Variants in GPC6 observed in about 807,000 individuals in gnomAD.
GPC6 encodes glypican 6.
In GPC6, 14 loss-of-function variants were observed where a neutral mutation model predicts 55.2. That is an observed-to-expected ratio of 0.25 (90% CI 0.17 to 0.40). The LOEUF (loss-of-function observed/expected upper bound fraction) is 0.40. GPC6 is among the 10% of genes least tolerant of loss of function. The probability of loss-of-function intolerance (pLI) is 1.00; values close to 1 mark genes in which losing one functional copy is unlikely to be tolerated. For synonymous variants in GPC6, 278 were observed against 259.6 expected, an observed-to-expected ratio of 1.07 and a Z score of -0.68; for missense variants, 641 against 708.5, an observed-to-expected ratio of 0.90 and a Z score of 1.08.
At chr13:93,903,232 C>G (rs1876462896) in intron 3 of GPC6, among the ~76,000 whole-genome samples, 1 of 152,144 alleles carries the variant, frequency 6.6e-6, no homozygotes, top group East Asian at 1.9e-4. Context: ...TTACATACAT[C>G]AAAGTAAGAT....
intron 4 of GPC6, among the ~76,000 whole-genome samples, chr13:94,268,686 C>T (rs910835373): frequency 1.3e-5 from 2 of 151,902 alleles, no homozygotes; most frequent in South Asian, 2.1e-4. Flanking sequence ...TCCATCTTTT[C>T]GTCTGAAAAT....
chr13:93,431,023 T>C (rs1877337236), intron 1 of GPC6, among the ~76,000 whole-genome samples: 1 of 151,160 alleles, frequency 6.6e-6, no homozygotes, highest in Non-Finnish European at 1.5e-5. Flanking sequence ...CATTACGTGT[T>C]TGGAGAACAA....
At chr13:93,429,138 T>C (rs980008937) in intron 1 of GPC6, among the ~76,000 whole-genome samples, 12 of 152,252 alleles carry the variant, frequency 7.9e-5, no homozygotes, top group African/African-American at 2.9e-4. Flanking sequence ...TTTGCTAAAA[T>C]GACCTGAATT....
At chr13:93,995,202 T>TATTTTATTTTATTTTATTTTA (rs1881485981) in intron 3 of GPC6, among the ~76,000 whole-genome samples, 1 of 142,906 alleles carries the variant, frequency 7.0e-6, no homozygotes, top group African/African-American at 2.6e-5. Context: ...TATTTTATTT[T>TATTTTATTTTATTTTATTTTA]TTTGAGACTG....
intron 2 of GPC6, among the ~76,000 whole-genome samples, chr13:93,640,824 C>G (rs372860752): frequency 1.8e-5 from 1 of 56,346 alleles, no homozygotes; most frequent in African/African-American, 3.9e-5. Context: ...TCTTTCCTTC[C>G]TTCCTTTGTT....
rs555959677 is a variant in GPC6 at position 93,830,666 on chromosome 13, C to T, written c.711+121C>T. 651 of 842,846 alleles carry T rather than the reference C, an allele frequency of 7.7e-4. 6 individuals carry two copies. The South Asian group carries it at 0.01, about 14-fold the overall frequency. The allele number at this position is 842,846 out of a possible 1,614,324, so 52.2% of individuals were successfully genotyped here. On this transcript the variant is annotated intron_variant, in intron 3 of 8. Coordinates refer to ENST00000377047, the MANE Select transcript of GPC6 (RefSeq NM_005708.5). ...AAGGTAAAAATTCTTAATTGGTGGT[C>T]CTTGCTCTTAATCAGTTAAATATCA...
intron 1 of GPC6, among the ~76,000 whole-genome samples, chr13:93,541,335 G>A (rs1460668351): frequency 1.1e-4 from 16 of 139,928 alleles, no homozygotes; most frequent in Non-Finnish European, 2.2e-4. Flanking sequence ...TTTCATCCAT[G>A]TCCCTACAAA....
chr13:93,836,688 C>A (rs988552810), intron 3 of GPC6, among the ~76,000 whole-genome samples: 3 of 151,868 alleles, frequency 2.0e-5, no homozygotes, highest in Non-Finnish European at 4.4e-5. Flanking sequence ...GATGGTATTT[C>A]GAGTATTATA....
chr13:93,376,518 G>A (rs80049215), intron 1 of GPC6, among the ~76,000 whole-genome samples: 17 of 152,216 alleles, frequency 1.1e-4, no homozygotes, highest in Non-Finnish European at 2.4e-4. Context: ...CTCCTGTGAA[G>A]CCCTCTGTTT....
In GPC6 at chr13:93,635,140, CT is replaced by C. The variant is rs879721283; in HGVS notation, c.319+89731del. On this transcript the variant is annotated intron_variant, in intron 2 of 8. Coordinates refer to ENST00000377047, the MANE Select transcript of GPC6 (RefSeq NM_005708.5). ...TCTAGATGAATTTGGCATAATACAG[CT>C]TTTTTTTTTTTACTTATCTATATCT... Among the ~76,000 whole-genome samples the C allele has an allele frequency of 3.8e-3, 554 of 145,170 alleles. 2 individuals are homozygous for C. Among genetic ancestry groups the C allele is most frequent in the Middle Eastern group, 7.2e-3 (2 of 278 alleles).
chr13:94,386,164 C>T (rs757202322), intron 7 of GPC6, among the ~76,000 whole-genome samples: 2 of 151,682 alleles, frequency 1.3e-5, no homozygotes, highest in Non-Finnish European at 2.9e-5. Context: ...TCGAGACCAT[C>T]CTGGCTAACA....
chr13:93,873,902 GA>G (rs1440546036), intron 3 of GPC6, among the ~76,000 whole-genome samples: 2 of 151,786 alleles, frequency 1.3e-5, no homozygotes, highest in African/African-American at 4.8e-5. Context: ...TCTGCCTTCA[GA>G]ATCTATCCCC....
chr13:93,621,499 C>G (rs374224308), intron 2 of GPC6, among the ~76,000 whole-genome samples: 2 of 152,178 alleles, frequency 1.3e-5, no homozygotes, highest in Admixed American at 1.3e-4. Context: ...GTGAGACTCC[C>G]TGGCCATACC....
intron 1 of GPC6, among the ~76,000 whole-genome samples, chr13:93,441,652 A>G (rs1212367393): frequency 6.6e-6 from 1 of 151,980 alleles, no homozygotes; most frequent in Non-Finnish European, 1.5e-5. Flanking sequence ...TTGCCTGTTC[A>G]CTCTGATGGT....
intron 6 of GPC6, among the ~76,000 whole-genome samples, chr13:94,312,272 T>A (rs1313704863): frequency 6.6e-6 from 1 of 152,242 alleles, no homozygotes; most frequent in South Asian, 2.1e-4. Context: ...ATGTTGTTAA[T>A]ATTATTACAT....
In GPC6 at chr13:93,662,417, G is replaced by A. The variant is rs534998106; in HGVS notation, c.319+116996G>A. Among the ~76,000 whole-genome samples the A allele has an allele frequency of 8.1e-4, 124 of 152,208 alleles. 5 individuals carry two copies. In the South Asian group the frequency reaches 0.025, roughly 31 times the overall value. ...GGCCGAGGTGGGCAGATCACCTGAG[G>A]TCAGGAGTTTGAGACCAGCCTGGCC... On this transcript the variant is annotated intron_variant, in intron 2 of 8. Coordinates refer to ENST00000377047, the MANE Select transcript of GPC6 (RefSeq NM_005708.5).
intron 2 of GPC6, among the ~76,000 whole-genome samples, chr13:93,627,603 A>G (rs1879256345): frequency 6.6e-6 from 1 of 152,202 alleles, no homozygotes; most frequent in Non-Finnish European, 1.5e-5. Flanking sequence ...TACGCTTCAG[A>G]TCTTTTCAGA....
intron 4 of GPC6, among the ~76,000 whole-genome samples, chr13:94,080,674 G>C (rs1206058297): frequency 6.6e-6 from 1 of 152,126 alleles, no homozygotes; most frequent in African/African-American, 2.4e-5. Context: ...CCTGGTGAGG[G>C]CTCTTCCTGA....
At chr13:93,685,074 T>G (rs970874458) in intron 2 of GPC6, among the ~76,000 whole-genome samples, 11 of 152,224 alleles carry the variant, frequency 7.2e-5, no homozygotes, top group African/African-American at 2.7e-4. Context: ...TATCTTTTAT[T>G]TAAGTCACTA....
Sources: gnomAD v4.1 joint callset for allele counts (sites outside exome capture counted in the v4.1 genomes callset) on GRCh38, gnomAD v4.1.1 for gene constraint, MANE v1.5 for transcripts, NCBI Gene and HGNC (gene_info 2026-07-23, HGNC 2026-07-21) for gene names.